The following ROBO2 variants were observed in gnomAD, a reference collection of about 807,000 sequenced individuals.
ROBO2 encodes the protein roundabout guidance receptor 2.
A neutral mutation model predicts 160.8 loss-of-function variants in ROBO2; 53 were observed. The observed-to-expected ratio is 0.33, with a 90% confidence interval of 0.26 to 0.41. The LOEUF (loss-of-function observed/expected upper bound fraction) is 0.41. Among genes scored for constraint, ROBO2 ranks in the 10% least tolerant of loss-of-function variants. The pLI, the probability that ROBO2 is intolerant of heterozygous loss-of-function variation, is 1.00. For missense variants in ROBO2, 1,577 were observed against 1,722.4 expected (o/e 0.92, Z 1.49); for synonymous variants, 664 against 611.7 (o/e 1.09, Z -1.26).
chr3:77,217,605 T>G (rs1465179827), intron 2 of ROBO2, among the ~76,000 whole-genome samples: 1 of 152,240 alleles, frequency 6.6e-6, no homozygotes, highest in East Asian at 1.9e-4. Context: ...ATGTTGTAAT[T>G]AATGGAATTA....
chr3:77,646,429 T>C (rs998623162), exon 26 of ROBO2: 8 of 186,202 alleles, frequency 4.3e-5, no homozygotes, highest in African/African-American at 1.4e-4. Context: ...ATATGTGAAT[T>C]AATAGGCTGT....
chr3:77,339,399 A>C (rs1040705819), intron 2 of ROBO2, among the ~76,000 whole-genome samples: 1 of 152,060 alleles, frequency 6.6e-6, no homozygotes, highest in Non-Finnish European at 1.5e-5. Flanking sequence ...AATATTTTTC[A>C]CCATCTTCTT....
intron 2 of ROBO2, among the ~76,000 whole-genome samples, chr3:76,923,143 C>A (rs2076771172): frequency 6.6e-6 from 1 of 152,176 alleles, no homozygotes; most frequent in African/African-American, 2.4e-5. Context: ...GGATTTATAT[C>A]TTCATCCAGG....
At position 75,991,560 on chromosome 3, in the gene ROBO2, A is replaced by C. The variant is rs187766762; in HGVS notation, c.109+53958A>C. ...GCATGTGGAACAGTAAGTCCATTAA[A>C]AGTTTTTTTCTTCCCAGTCTCAGGT... On this transcript the variant is annotated intron_variant, in intron 2 of 26. Coordinates refer to the ROBO2 transcript ENST00000487694. Among the ~76,000 whole-genome samples, 29 of 152,230 alleles carry C rather than the reference A, an allele frequency of 1.9e-4. No homozygotes were observed. In the East Asian group the frequency reaches 3.3e-3, roughly 17 times the overall value.
chr3:77,020,472 A>G (rs1043579929), intron 2 of ROBO2, among the ~76,000 whole-genome samples: 1 of 152,210 alleles, frequency 6.6e-6, no homozygotes, highest in Admixed American at 6.5e-5. Flanking sequence ...CAAATGCTTA[A>G]ATACTAATGA....
intron 2 of ROBO2, among the ~76,000 whole-genome samples, chr3:77,182,779 A>G (rs1398753595): frequency 1.3e-5 from 2 of 152,072 alleles, no homozygotes; most frequent in Non-Finnish European, 2.9e-5. Context: ...GAAACTTTAT[A>G]CAAAGGTGTT....
intron 2 of ROBO2, among the ~76,000 whole-genome samples, chr3:76,646,057 C>G (rs184693619): frequency 6.6e-6 from 1 of 152,058 alleles, no homozygotes; most frequent in Non-Finnish European, 1.5e-5. Context: ...GTGTTCGAGA[C>G]GTGATTCCTC....
At chr3:76,453,180 T>C (rs1428643258) in intron 2 of ROBO2, among the ~76,000 whole-genome samples, 1 of 152,206 alleles carries the variant, frequency 6.6e-6, no homozygotes, top group Non-Finnish European at 1.5e-5. Flanking sequence ...TCTAGTTTAA[T>C]TAGATCCCAT....
chr3:77,282,347 CTGTAATTAGGCTGT>C (rs537872688), intron 2 of ROBO2, among the ~76,000 whole-genome samples: 1 of 151,886 alleles, frequency 6.6e-6, no homozygotes, highest in Non-Finnish European at 1.5e-5. Context: ...GATGTATAGA[CTGTAATTAGGCTGT>C]TGTATGGTAG....
chr3:76,966,405 T>A (rs2059295895), intron 2 of ROBO2, among the ~76,000 whole-genome samples: 1 of 152,200 alleles, frequency 6.6e-6, no homozygotes, highest in Non-Finnish European at 1.5e-5. Context: ...ATAATGTAGT[T>A]AAATACAATT....
chr3:76,445,706 T>G (rs183907433), intron 2 of ROBO2, among the ~76,000 whole-genome samples: 11 of 152,258 alleles, frequency 7.2e-5, no homozygotes, highest in African/African-American at 2.6e-4. Context: ...CAAGTGGGCT[T>G]CATCCCTGGG....
chr3:76,647,493 C>T (rs2091034030), intron 2 of ROBO2, among the ~76,000 whole-genome samples: 1 of 152,076 alleles, frequency 6.6e-6, no homozygotes, highest in Admixed American at 6.6e-5. Flanking sequence ...GGCTTATCAT[C>T]TGGACAAAAG....
intron 2 of ROBO2, among the ~76,000 whole-genome samples, chr3:77,299,076 A>T (rs1476910832): frequency 6.6e-6 from 1 of 152,200 alleles, no homozygotes. Context: ...ATGATGAGGA[A>T]CAGGAAGAAA....
chr3:76,829,261 T>C (rs2066857366), intron 2 of ROBO2, among the ~76,000 whole-genome samples: 1 of 152,176 alleles, frequency 6.6e-6, no homozygotes, highest in Non-Finnish European at 1.5e-5. Flanking sequence ...AAAAATGTCC[T>C]GTCAAAATGC....
At chr3:77,482,038 T>G (rs2084758560) in intron 4 of ROBO2, among the ~76,000 whole-genome samples, 1 of 152,198 alleles carries the variant, frequency 6.6e-6, no homozygotes, top group Non-Finnish European at 1.5e-5. Context: ...AAATTCTATT[T>G]AAATCTCTGT....
At chr3:76,148,525 A>G (rs980674145) in intron 2 of ROBO2, among the ~76,000 whole-genome samples, 4 of 152,024 alleles carry the variant, frequency 2.6e-5, no homozygotes, top group Non-Finnish European at 4.4e-5. Context: ...AGCAAAATTT[A>G]TCCCAAAAAA....
At chr3:76,273,710 G>A (rs1333597666) in intron 2 of ROBO2, among the ~76,000 whole-genome samples, 2 of 152,016 alleles carry the variant, frequency 1.3e-5, no homozygotes, top group Non-Finnish European at 2.9e-5. Flanking sequence ...ACTCACTCAC[G>A]ATCATGAGCA....
intron 2 of ROBO2, among the ~76,000 whole-genome samples, chr3:77,318,613 TC>T (rs2064322750): frequency 6.6e-6 from 1 of 152,178 alleles, no homozygotes; most frequent in South Asian, 2.1e-4. Context: ...AAACTAGGAC[TC>T]CACCACTTGA....
exon 20 of ROBO2, chr3:77,602,405 A>G (rs757306842): frequency 6.2e-7 from 1 of 1,614,134 alleles, no homozygotes; most frequent in Non-Finnish European, 8.5e-7. Context: ...GATCTGCCTG[A>G]TCCACAATGG....
Sources: allele counts gnomAD v4.1 joint callset (sites outside exome capture counted in the v4.1 genomes callset), GRCh38; gene constraint gnomAD v4.1.1; transcripts MANE v1.5; gene names NCBI Gene and HGNC (gene_info 2026-07-23, HGNC 2026-07-21).